DLGAP2: variants seen among roughly 807,000 people sequenced by gnomAD.
The protein encoded by DLGAP2 is disks large-associated protein 2.
In DLGAP2, 26 loss-of-function variants were observed where a neutral mutation model predicts 100.3. That is an observed-to-expected ratio of 0.26 (90% CI 0.19 to 0.36). The LOEUF (loss-of-function observed/expected upper bound fraction) is 0.36, where lower values mean the gene tolerates loss of function less well. Ranked by LOEUF, DLGAP2 falls within the 10% of genes least tolerant of loss-of-function variation. DLGAP2 has a pLI of 1.00. For missense variants in DLGAP2, 1,858 were observed against 1,453.2 expected (o/e 1.28, Z -4.53); for synonymous variants, 886 against 630.1 (o/e 1.41, Z -6.08).
intron 2 of DLGAP2, among the ~76,000 whole-genome samples, chr8:1,199,933 G>A (rs1299936615): frequency 7.4e-6 from 1 of 135,884 alleles, no homozygotes; most frequent in East Asian, 2.2e-4. Context: ...CGAGGTGGAA[G>A]GATTCCCCCC....
chr8:745,474 A>G (rs1820594831), intron 1 of DLGAP2, among the ~76,000 whole-genome samples: 1 of 152,212 alleles, frequency 6.6e-6, no homozygotes. Context: ...CTCAGTCTTC[A>G]ATTTATCCAG....
At chr8:748,059 C>G (rs553691417) in intron 1 of DLGAP2, among the ~76,000 whole-genome samples, 4 of 6,064 alleles carry the variant, frequency 6.6e-4, no homozygotes, top group Non-Finnish European at 9.0e-4. Context: ...GTGGGATGGG[C>G]GGGTCTGCGG....
intron 2 of DLGAP2, among the ~76,000 whole-genome samples, chr8:964,866 C>T (rs1308925170): frequency 2.0e-5 from 3 of 152,246 alleles, no homozygotes; most frequent in Non-Finnish European, 4.4e-5. Context: ...TTTGGCTCCG[C>T]CTGTGGCCAT....
chr8:1,482,246 CT>C (rs1799118716), intron 3 of DLGAP2, among the ~76,000 whole-genome samples: 1 of 152,186 alleles, frequency 6.6e-6, no homozygotes, highest in Non-Finnish European at 1.5e-5. Flanking sequence ...CACTGTTTCT[CT>C]TTTAAAAGAA....
intron 8 of DLGAP2, among the ~76,000 whole-genome samples, chr8:1,641,873 CGAACCCGCCGGTCCT>C (rs1797909103): frequency 1.3e-5 from 2 of 151,458 alleles, no homozygotes; most frequent in East Asian, 3.9e-4. Flanking sequence ...CCATACCCCT[CGAACCCGCCGGTCCT>C]CACCTGTGTC....
intron 2 of DLGAP2, among the ~76,000 whole-genome samples, chr8:1,254,539 G>T (rs200058952): frequency 6.6e-6 from 1 of 152,150 alleles, no homozygotes; most frequent in East Asian, 1.9e-4. Flanking sequence ...GCGATCATTG[G>T]CAGCACTGAC....
intron 2 of DLGAP2, among the ~76,000 whole-genome samples, chr8:1,008,651 C>G (rs1411408525): frequency 6.6e-6 from 1 of 152,286 alleles, no homozygotes; most frequent in Non-Finnish European, 1.5e-5. Context: ...CTTACTGTGC[C>G]GTAATTAAGC....
chr8:969,318 A>G (rs1278692244), intron 2 of DLGAP2, among the ~76,000 whole-genome samples: 1 of 151,950 alleles, frequency 6.6e-6, no homozygotes. Context: ...TGGCCGACAC[A>G]CTCTGCAGAT....
At position 937,934 on chromosome 8, in the gene DLGAP2, G is replaced by A. The variant is rs139392329; in HGVS notation, c.73+29968G>A. On this transcript the variant is annotated intron_variant, in intron 2 of 14. Coordinates refer to ENST00000637795, the MANE Select transcript of DLGAP2 (RefSeq NM_001346810.2). ...AGGGGGACAGGAGGTGTCCATCCCG[G>A]CCTTTCTGCAGTGCTGATCCAAGGT... 2.4e-4 allele frequency among the ~76,000 whole-genome samples: 36 copies of A among 152,298 alleles called. 1 individual carries two copies. The highest frequency in any genetic ancestry group is 8.2e-4 in the African/African-American group (34 of 41,566).
At position 1,350,743 on chromosome 8, in the gene DLGAP2, T is replaced by C. The variant is rs545486063; in HGVS notation, c.106+91860T>C. Among the ~76,000 whole-genome samples the C allele has an allele frequency of 8.5e-3, 213 of 25,046 alleles. 8 individuals are homozygous for C. Among genetic ancestry groups the C allele is most frequent in the Middle Eastern group, 0.026 (1 of 38 alleles). The allele number at this position is 25,046 out of a possible 152,430, so 16.4% of individuals were successfully genotyped here. On this transcript the variant is annotated intron_variant, in intron 3 of 14. Coordinates refer to ENST00000637795, the MANE Select transcript of DLGAP2 (RefSeq NM_001346810.2). ...AAAGGCCGTGCGGGTCCTGAGTGTG[T>C]GTGGAAAGGCCGCGCGGGTCCTGAG...
intron 7 of DLGAP2, among the ~76,000 whole-genome samples, chr8:1,631,067 G>A (rs1451591109): frequency 6.6e-6 from 1 of 152,046 alleles, no homozygotes; most frequent in Non-Finnish European, 1.5e-5. Context: ...GGTCTGGGCG[G>A]GAGGTCCGGG....
chr8:1,037,884 G>T (rs1424737341), intron 2 of DLGAP2, among the ~76,000 whole-genome samples: 1 of 152,226 alleles, frequency 6.6e-6, no homozygotes, highest in Non-Finnish European at 1.5e-5. Flanking sequence ...TTCTGATCCA[G>T]CAGGCCTGGT....
chr8:966,581 A>G (rs1281916079), intron 2 of DLGAP2, among the ~76,000 whole-genome samples: 1 of 152,176 alleles, frequency 6.6e-6, no homozygotes, highest in Non-Finnish European at 1.5e-5. Flanking sequence ...ATGAATAAGT[A>G]TTTTTGGTAA....
chr8:1,560,597 G>A (rs1279267573), intron 5 of DLGAP2, among the ~76,000 whole-genome samples: 1 of 152,162 alleles, frequency 6.6e-6, no homozygotes, highest in South Asian at 2.1e-4. Context: ...TGACCAGTCC[G>A]AAGGCCTCCA....
chr8:1,134,694 C>T (rs560257665), intron 2 of DLGAP2, among the ~76,000 whole-genome samples: 1 of 152,282 alleles, frequency 6.6e-6, no homozygotes, highest in African/African-American at 2.4e-5. Context: ...TTAACTGACT[C>T]ACAGTTCAGC....
intron 2 of DLGAP2, among the ~76,000 whole-genome samples, chr8:1,039,255 TCTCAGTTTCCATGGTCGG>T (rs1802226223): frequency 2.6e-5 from 2 of 75,736 alleles, no homozygotes; most frequent in Non-Finnish European, 5.3e-5. Context: ...TGCGTGGTCG[TCTCAGTTTCCATGGTCGG>T]CTCGGTTTCC....
At chr8:1,080,878 T>A (rs183642931) in intron 2 of DLGAP2, among the ~76,000 whole-genome samples, 29 of 152,328 alleles carry the variant, frequency 1.9e-4, no homozygotes, top group African/African-American at 7.0e-4. Flanking sequence ...TATTAAATAT[T>A]GGTTTAAAGG....
At chr8:1,196,243 C>T (rs2116743507) in intron 2 of DLGAP2, among the ~76,000 whole-genome samples, 1 of 152,330 alleles carries the variant, frequency 6.6e-6, no homozygotes, top group East Asian at 1.9e-4. Flanking sequence ...GGCCACGTTT[C>T]ACTGTGTGTG....
intron 2 of DLGAP2, among the ~76,000 whole-genome samples, chr8:1,221,987 T>C (rs1294310720): frequency 1.3e-5 from 2 of 152,238 alleles, no homozygotes; most frequent in African/African-American, 4.8e-5. Flanking sequence ...GTTCAACTGT[T>C]GGACCATTTT....
Sources: gnomAD v4.1 joint callset for allele counts (sites outside exome capture counted in the v4.1 genomes callset) on GRCh38, gnomAD v4.1.1 for gene constraint, MANE v1.5 for transcripts, NCBI Gene and HGNC (gene_info 2026-07-23, HGNC 2026-07-21) for gene names.